FNIP1: variants seen among roughly 807,000 people sequenced by gnomAD.
FNIP1 encodes the protein folliculin interacting protein 1.
Under a neutral mutation model 124.5 loss-of-function variants are expected in FNIP1, and 40 were observed. The observed-to-expected ratio is 0.32, with a 90% CI of 0.25 to 0.42. The LOEUF (loss-of-function observed/expected upper bound fraction) is 0.42, where lower values mean the gene tolerates loss of function less well. FNIP1 is among the 10% of genes least tolerant of loss of function. The pLI, the probability that FNIP1 is intolerant of heterozygous loss-of-function variation, is 1.00. For synonymous variants in FNIP1, 472 were observed against 470.6 expected (o/e 1.00, Z -0.04); for missense variants, 1,176 against 1,403.7 (o/e 0.84, Z 2.59).
intron 15 of FNIP1, among the ~76,000 whole-genome samples, chr5:131,657,882 T>A (rs1324780641): frequency 2.0e-5 from 3 of 148,464 alleles, no homozygotes; most frequent in Admixed American, 1.4e-4. Flanking sequence ...CTACTAAAAA[T>A]ACAAAAAAAT....
chr5:131,735,960 T>C (rs1770289225), intron 2 of FNIP1, among the ~76,000 whole-genome samples: 2 of 152,040 alleles, frequency 1.3e-5, no homozygotes, highest in African/African-American at 4.8e-5. Flanking sequence ...AGAGATGAGG[T>C]CTCATTATGT....
intron 3 of FNIP1, among the ~76,000 whole-genome samples, chr5:131,729,820 A>G (rs1383344475): frequency 6.6e-6 from 1 of 151,974 alleles, no homozygotes; most frequent in African/African-American, 2.4e-5. Flanking sequence ...ATCTTGGGTC[A>G]CCACAACATC....
rs1766739992 is a variant in FNIP1, at chr5:131,642,330, A to G, written c.*2355T>C. 6.6e-6 allele frequency: 1 copy of G among 152,632 alleles called. No individual in the cohort carries two copies. The highest frequency in any genetic ancestry group is 2.4e-5 in the African/African-American group (1 of 41,442). The allele number at this position is 152,632 out of a possible 1,614,324, so 9.5% of individuals were successfully genotyped here. On this transcript the variant is annotated 3_prime_UTR_variant, in exon 18 of 18. Transcript: ENST00000510461. ...AGGAATTACAAAACTCAGGAATGGG[A>G]AGCAGTGGGGAGGAACAAAACAGTA...
At position 131,704,062 on chromosome 5, in the gene FNIP1, T is replaced by A. The variant is rs1380032832; in HGVS notation, c.1116+3A>T. ...AAATACATAAATAAATAACTATGCTTACCTGTTCTATTGCACTCTTTAATT... is the reference window on the plus strand; with the variant it reads ...AAATACATAAATAAATAACTATGCTAACCTGTTCTATTGCACTCTTTAATT... On this transcript the variant is annotated splice_donor_region_variant and intron_variant, in intron 10 of 17. Transcript: ENST00000510461. The A allele has an allele frequency of 6.3e-7, 1 of 1,594,876 alleles. No individual in the cohort carries two copies. Among genetic ancestry groups the A allele is most frequent in the Non-Finnish European group, 8.6e-7 (1 of 1,165,336 alleles).
chr5:131,755,682 A>G (rs1771027044), intron 1 of FNIP1, among the ~76,000 whole-genome samples: 1 of 152,048 alleles, frequency 6.6e-6, no homozygotes, highest in Non-Finnish European at 1.5e-5. Context: ...TAGAGAGGAA[A>G]AGAAAACTCA....
chr5:131,784,818 T>A (rs914770418), intron 1 of FNIP1, among the ~76,000 whole-genome samples: 1 of 148,254 alleles, frequency 6.7e-6, no homozygotes, highest in Admixed American at 6.7e-5. Flanking sequence ...TGAGACTGTC[T>A]CTCAAAAAAA....
chr5:131,698,843 C>A, intron 11 of FNIP1, 74 bp downstream of exon 11: 1 of 1,289,312 alleles, frequency 7.8e-7, no homozygotes, highest in South Asian at 1.5e-5. Context: ...TTTATTAGAA[C>A]AAGTTAAAGA....
At chr5:131,780,918 G>A (rs1191744935) in intron 1 of FNIP1, among the ~76,000 whole-genome samples, 1 of 152,216 alleles carries the variant, frequency 6.6e-6, no homozygotes, top group Non-Finnish European at 1.5e-5. Context: ...ATGATCAAGC[G>A]TAGTGAGGAA....
intron 1 of FNIP1, among the ~76,000 whole-genome samples, chr5:131,764,238 C>A (rs1330464358): frequency 6.6e-6 from 1 of 151,968 alleles, no homozygotes; most frequent in African/African-American, 2.4e-5. Flanking sequence ...GCCAATTAAA[C>A]CTCTTTTCTT....
intron 7 of FNIP1, among the ~76,000 whole-genome samples, chr5:131,709,492 A>G (rs1050186675): frequency 1.3e-5 from 2 of 152,230 alleles, no homozygotes; most frequent in Non-Finnish European, 2.9e-5. Context: ...CTAAAACATA[A>G]TATCTAAAGA....
At chr5:131,724,569 T>A in intron 3 of FNIP1, among the ~76,000 whole-genome samples, 1 of 152,208 alleles carries the variant, frequency 6.6e-6, no homozygotes, top group Admixed American at 6.5e-5. Context: ...TTGTTTCTTG[T>A]AAATTTGTTT....
At chr5:131,748,687 A>G (rs1770766782) in intron 1 of FNIP1, among the ~76,000 whole-genome samples, 1 of 115,582 alleles carries the variant, frequency 8.7e-6, no homozygotes. Context: ...ACAGAGTGAG[A>G]CTCTGTCTCA....
chr5:131,693,309 T>C (rs1433104016), intron 11 of FNIP1, among the ~76,000 whole-genome samples: 2 of 29,972 alleles, frequency 6.7e-5, no homozygotes, highest in East Asian at 5.0e-4. Context: ...TATATATATA[T>C]ATATATACAC....
chr5:131,644,828 C>A, intron 17 of FNIP1, 65 bp from the exon 18 acceptor site: 1 of 1,476,488 alleles, frequency 6.8e-7, no homozygotes, highest in Non-Finnish European at 9.4e-7. Flanking sequence ...ACTCTACAGG[C>A]AATGACCACC....
At chr5:131,691,541 G>A (rs75679923) in intron 11 of FNIP1, among the ~76,000 whole-genome samples, 5 of 152,090 alleles carry the variant, frequency 3.3e-5, no homozygotes, top group East Asian at 1.9e-4. Context: ...AAAACCAAAC[G>A]CTGGTTCTCT....
chr5:131,688,769 G>A (rs1768373420), intron 11 of FNIP1, among the ~76,000 whole-genome samples: 1 of 147,918 alleles, frequency 6.8e-6, no homozygotes, highest in Non-Finnish European at 1.5e-5. Flanking sequence ...GACTGGACAT[G>A]ACCAAGGAAA....
At chr5:131,755,469 G>A (rs1004484846) in intron 1 of FNIP1, among the ~76,000 whole-genome samples, 7 of 151,730 alleles carry the variant, frequency 4.6e-5, no homozygotes, top group Non-Finnish European at 8.8e-5. Context: ...AAAATGGTCT[G>A]AGGAGAATGG....
chr5:131,735,260 G>C (rs968333513), intron 2 of FNIP1, among the ~76,000 whole-genome samples: 24 of 152,026 alleles, frequency 1.6e-4, no homozygotes, highest in Admixed American at 5.9e-4. Context: ...ATTGAACAAT[G>C]AGAACACTTG....
chr5:131,657,736 CAAA>C (rs59097834), intron 15 of FNIP1, among the ~76,000 whole-genome samples: 3 of 65,056 alleles, frequency 4.6e-5, no homozygotes, highest in East Asian at 1.2e-3. Flanking sequence ...GAAAATAAGG[CAAA>C]AAAAAAAAAA....
Sources: gnomAD v4.1 joint callset for allele counts (sites outside exome capture counted in the v4.1 genomes callset) on GRCh38, gnomAD v4.1.1 for gene constraint, MANE v1.5 for transcripts, NCBI Gene and HGNC (gene_info 2026-07-23, HGNC 2026-07-21) for gene names.